Variants in CNOT4 observed in about 807,000 individuals in gnomAD.
CNOT4 encodes the protein CCR4-NOT transcription complex subunit 4.
A neutral mutation model predicts 73.8 loss-of-function variants in CNOT4; 8 were observed. The ratio of observed to expected loss-of-function variants is 0.11; its 90% CI spans 0.06 to 0.20. The LOEUF is 0.20. Ranked by LOEUF, CNOT4 falls within the 10% of genes least tolerant of loss-of-function variation. The pLI is 1.00. For missense variants in CNOT4, 564 were observed against 883.4 expected (o/e 0.64, Z 4.58); for synonymous variants, 293 against 321.1 (o/e 0.91, Z 0.94).
chr7:135,458,382 GGCT>G (rs779979932), intron 1 of CNOT4, among the ~76,000 whole-genome samples: 3 of 152,028 alleles, frequency 2.0e-5, no homozygotes, highest in Non-Finnish European at 4.4e-5. Context: ...TGATGTTGAT[GGCT>G]GCTGATTGAT....
intron 2 of CNOT4, among the ~76,000 whole-genome samples, chr7:135,429,063 T>C (rs1481749644): frequency 6.6e-6 from 1 of 152,190 alleles, no homozygotes; most frequent in Admixed American, 6.5e-5. Context: ...ACTTCATCTA[T>C]TTCTAAAATA....
chr7:135,422,270 T>A lies in CNOT4; in HGVS notation c.258A>T (p.Gln86His). 2 of 1,591,804 alleles carry A rather than the reference T, an allele frequency of 1.3e-6. No homozygotes were observed. Among genetic ancestry groups the A allele is most frequent in the Non-Finnish European group, 1.7e-6 (2 of 1,159,736 alleles). Residue 86 changes from glutamine (Q) to histidine (H), a missense_variant, in exon 3 of 12, where the codon CAA (glutamine) becomes CAT (histidine). By Grantham distance (24) the Gln-to-His change is conservative. Coordinates refer to ENST00000541284, the MANE Select transcript of CNOT4 (RefSeq NM_001190850.2). Reference protein sequence around the residue: ...QRIKNEKKQKQNERKQKISEN... With the variant: ...QRIKNEKKQKHNERKQKISEN... ...CTGATATTTTCTGTTTTCTCTCATT[T>A]TGTTTCTGTTTTTTCTCATTCTTTA...
At position 135,485,527 on chromosome 7, in the gene CNOT4, T is replaced by A. The variant is rs545690893; in HGVS notation, c.-93+24362A>T. On this transcript the variant is annotated intron_variant, in intron 1 of 11. Coordinates refer to ENST00000541284, the MANE Select transcript of CNOT4 (RefSeq NM_001190850.2). ...TATACCGCTACAGCAATTAAAACTG[T>A]GGTACTGATGAAGAAAGAGACATAT... Among the ~76,000 whole-genome samples the A allele has an allele frequency of 9.2e-5, 14 of 152,290 alleles. No individual in the cohort carries two copies. In the South Asian group the frequency reaches 2.9e-3, roughly 32 times the overall value.
At chr7:135,487,159 T>TA (rs1281289662) in intron 1 of CNOT4, among the ~76,000 whole-genome samples, 3 of 151,878 alleles carry the variant, frequency 2.0e-5, no homozygotes, top group Non-Finnish European at 4.4e-5. Flanking sequence ...TACAACCATT[T>TA]AAAAAAAAGT....
intron 1 of CNOT4, among the ~76,000 whole-genome samples, chr7:135,502,327 C>T (rs1418315452): frequency 6.6e-6 from 1 of 152,220 alleles, no homozygotes. Flanking sequence ...GGAAGCCTCA[C>T]TCCTAGGACT....
chr7:135,414,287 G>A lies in CNOT4; in HGVS notation c.561+44C>T, dbSNP rs777344090. Reference sequence around the variant, plus strand: ...TCCTCTACTTACTATATTTTATCTCGTCTTCCTTAAAAAAAAAAAAAAGAA... The same window carrying A: ...TCCTCTACTTACTATATTTTATCTCATCTTCCTTAAAAAAAAAAAAAAGAA... On this transcript the variant is annotated intron_variant, in intron 5 of 11. Coordinates refer to ENST00000541284, the MANE Select transcript of CNOT4 (RefSeq NM_001190850.2). The A allele has an allele frequency of 3.3e-5, 24 of 732,834 alleles. No individual in the cohort carries two copies. In the Admixed American group the frequency reaches 3.5e-4, roughly 11 times the overall value. The allele number at this position is 732,834 out of a possible 1,614,324, so 45.4% of individuals were successfully genotyped here.
At chr7:135,509,373 G>GT (rs1393896457) in intron 1 of CNOT4, among the ~76,000 whole-genome samples, 1 of 152,054 alleles carries the variant, frequency 6.6e-6, no homozygotes, top group East Asian at 1.9e-4. Context: ...CTCCAGAGTG[G>GT]TAGCAGTGGA....
chr7:135,476,141 T>C (rs774410085), intron 1 of CNOT4, among the ~76,000 whole-genome samples: 2 of 152,058 alleles, frequency 1.3e-5, no homozygotes, highest in African/African-American at 4.8e-5. Context: ...ATCTATGACA[T>C]CAAAAAAACC....
intron 1 of CNOT4, among the ~76,000 whole-genome samples, chr7:135,452,313 C>T (rs1223909305): frequency 6.6e-6 from 1 of 151,774 alleles, no homozygotes; most frequent in Non-Finnish European, 1.5e-5. Flanking sequence ...TGGCTCACGC[C>T]TGTCCCAGAA....
At chr7:135,467,704 C>G (rs982284395) in intron 1 of CNOT4, among the ~76,000 whole-genome samples, 13 of 151,906 alleles carry the variant, frequency 8.6e-5, no homozygotes, top group African/African-American at 3.1e-4. Flanking sequence ...GAGCAAGACC[C>G]TGTCTCCAAA....
intron 7 of CNOT4, among the ~76,000 whole-genome samples, chr7:135,406,412 C>T (rs1797286351): frequency 6.6e-6 from 1 of 150,478 alleles, no homozygotes; most frequent in Non-Finnish European, 1.5e-5. Flanking sequence ...ATAATCCCAG[C>T]TCTTTGGGAG....
Position 135,363,290 on chromosome 7 carries a change from G to C in CNOT4, c.1841-104C>G, listed in dbSNP as rs1025020119. 1.9e-6 allele frequency: 2 copies of C among 1,029,370 alleles called. No individual in the cohort carries two copies. The highest frequency in any genetic ancestry group is 2.9e-6 in the Non-Finnish European group (2 of 684,764). The allele number at this position is 1,029,370 out of a possible 1,614,324, so 63.8% of individuals were successfully genotyped here. ...CAAAACCAAAAGGAAAGACAGAAGA[G>C]ATTACAATTTTAAACTCCTTCCAAA... On this transcript the variant is annotated intron_variant, in intron 11 of 11. Coordinates refer to ENST00000541284, the MANE Select transcript of CNOT4 (RefSeq NM_001190850.2). This position sits in a 1 kb window ranked among gnomAD's most constrained non-coding sequence, Gnocchi z 4.3.
chr7:135,486,061 A>G (rs940481979), intron 1 of CNOT4, among the ~76,000 whole-genome samples: 2 of 152,206 alleles, frequency 1.3e-5, no homozygotes, highest in African/African-American at 4.8e-5. Flanking sequence ...TCCAGACTGT[A>G]TAAAGCACTC....
At chr7:135,409,574 T>C (rs1797484368) in intron 7 of CNOT4, among the ~76,000 whole-genome samples, 2 of 152,136 alleles carry the variant, frequency 1.3e-5, no homozygotes, top group African/African-American at 2.4e-5. Context: ...TAGTTATTAT[T>C]AGCTATGTTT....
At chr7:135,471,194 T>A (rs1024809845) in intron 1 of CNOT4, among the ~76,000 whole-genome samples, 3 of 152,002 alleles carry the variant, frequency 2.0e-5, no homozygotes, top group Non-Finnish European at 4.4e-5. Context: ...CTCAGAACAG[T>A]TATGCTAAAT....
chr7:135,479,136 C>T lies in CNOT4; in HGVS notation c.-93+30753G>A, dbSNP rs534574260. 6.0e-5 allele frequency among the ~76,000 whole-genome samples: 9 copies of T among 150,912 alleles called. No homozygotes were observed. The East Asian group carries it at 1.6e-3, about 26-fold the overall frequency. On this transcript the variant is annotated intron_variant, in intron 1 of 11. Transcript: ENST00000541284. ...ATTTTTTTAGCTTTGACAAACATTG[C>T]CAAATTGTCATTTTAAAAGTTGCAC...
intron 2 of CNOT4, among the ~76,000 whole-genome samples, chr7:135,431,413 G>T (rs150713268): frequency 1.1e-4 from 17 of 152,238 alleles, no homozygotes; most frequent in Non-Finnish European, 1.3e-4. Context: ...TTCAAAAGTG[G>T]TACATTAGCA....
At chr7:135,424,711 CCTGGGAGGCAGAGGTTGCAGTGAG>C (rs1798395800) in intron 2 of CNOT4, among the ~76,000 whole-genome samples, 2 of 152,082 alleles carry the variant, frequency 1.3e-5, no homozygotes, top group Non-Finnish European at 2.9e-5. Flanking sequence ...ACTGCTTGAA[CCTGGGAGGCAGAGGTTGCAGTGAG>C]CTGAGATTGT....
intron 2 of CNOT4, among the ~76,000 whole-genome samples, chr7:135,429,937 C>A (rs1024492385): frequency 6.6e-6 from 1 of 152,142 alleles, no homozygotes; most frequent in Non-Finnish European, 1.5e-5. Flanking sequence ...GAGGCTGAGA[C>A]AACTGAAATT....
Sources: gnomAD v4.1 joint callset for allele counts (sites outside exome capture counted in the v4.1 genomes callset) on GRCh38, gnomAD v4.1.1 for gene constraint, Gnocchi (gnomAD v3.1) non-coding constraint, MANE v1.5 for transcripts, NCBI Gene and HGNC (gene_info 2026-07-23, HGNC 2026-07-21) for gene names.